The following CDK19 variants were observed in gnomAD, a reference collection of about 807,000 sequenced individuals.
The protein encoded by CDK19 is cyclin dependent kinase 19.
In CDK19, 20 loss-of-function variants were observed where a neutral mutation model predicts 68.3. The observed-to-expected ratio is 0.29, with a 90% CI of 0.21 to 0.43. The LOEUF (loss-of-function observed/expected upper bound fraction) is 0.43, where lower values mean the gene tolerates loss of function less well. CDK19 is among the 20% of genes least tolerant of loss of function. The pLI is 1.00. For synonymous variants in CDK19, 221 were observed against 222.8 expected (o/e 0.99, Z 0.07); for missense variants, 339 against 623.5 (o/e 0.54, Z 4.86).
chr6:110,805,741 G>A (rs1484263513), intron 1 of CDK19, among the ~76,000 whole-genome samples: 3 of 152,108 alleles, frequency 2.0e-5, no homozygotes, highest in African/African-American at 7.2e-5. Flanking sequence ...GTTCAAAAAT[G>A]TAGGACACTA....
At chr6:110,811,074 A>G (rs551975836) in intron 1 of CDK19, among the ~76,000 whole-genome samples, 2 of 152,254 alleles carry the variant, frequency 1.3e-5, no homozygotes, top group East Asian at 3.9e-4. Flanking sequence ...ATGACAGTTA[A>G]CCTCTCAAAG....
At chr6:110,728,933 T>G (rs1776548652) in intron 2 of CDK19, among the ~76,000 whole-genome samples, 1 of 152,236 alleles carries the variant, frequency 6.6e-6, no homozygotes, top group Admixed American at 6.6e-5. Flanking sequence ...TATCATCTTG[T>G]GTGAATATTC....
chr6:110,635,897 T>C (rs1779748174), intron 5 of CDK19, among the ~76,000 whole-genome samples: 1 of 152,248 alleles, frequency 6.6e-6, no homozygotes, highest in Non-Finnish European at 1.5e-5. Context: ...GCATAGGCAT[T>C]GGTATTACTA....
chr6:110,794,077 G>A (rs1045554026), intron 1 of CDK19, among the ~76,000 whole-genome samples: 1 of 151,938 alleles, frequency 6.6e-6, no homozygotes, highest in African/African-American at 2.4e-5. Context: ...ATGGAGTCTC[G>A]CTCTGTCACC....
chr6:110,807,711 C>T (rs1029931162), intron 1 of CDK19, among the ~76,000 whole-genome samples: 3 of 152,106 alleles, frequency 2.0e-5, no homozygotes, highest in African/African-American at 4.8e-5. Context: ...CTGCCCACCT[C>T]GGCCTCCCCA....
At chr6:110,712,564 G>A (rs2114696997) in intron 2 of CDK19, among the ~76,000 whole-genome samples, 1 of 152,302 alleles carries the variant, frequency 6.6e-6, no homozygotes. Flanking sequence ...TGCCTTATTA[G>A]ATCTCATTCT....
At chr6:110,756,603 G>A (rs1778857377) in intron 1 of CDK19, among the ~76,000 whole-genome samples, 1 of 151,830 alleles carries the variant, frequency 6.6e-6, no homozygotes, top group African/African-American at 2.4e-5. Flanking sequence ...TAGGTACATT[G>A]TAGGCATTCA....
At chr6:110,784,446 C>G (rs771476430) in intron 1 of CDK19, among the ~76,000 whole-genome samples, 1 of 152,076 alleles carries the variant, frequency 6.6e-6, no homozygotes, top group Non-Finnish European at 1.5e-5. Flanking sequence ...CCACTTCACA[C>G]CCACAAGGAT....
At chr6:110,773,518 T>C (rs1304763356) in intron 1 of CDK19, among the ~76,000 whole-genome samples, 1 of 152,182 alleles carries the variant, frequency 6.6e-6, no homozygotes, top group Non-Finnish European at 1.5e-5. Flanking sequence ...ATATGAATTA[T>C]GACTTGGACA....
At chr6:110,762,023 A>G (rs1008953455) in intron 1 of CDK19, among the ~76,000 whole-genome samples, 2 of 152,166 alleles carry the variant, frequency 1.3e-5, no homozygotes, top group Non-Finnish European at 2.9e-5. Flanking sequence ...AATCCAATGG[A>G]AAAAGATGAA....
At chr6:110,810,673 C>G (rs1486404782) in intron 1 of CDK19, among the ~76,000 whole-genome samples, 1 of 151,816 alleles carries the variant, frequency 6.6e-6, no homozygotes, top group Non-Finnish European at 1.5e-5. Flanking sequence ...ACTCAGGAGG[C>G]TGAGGCAGGA....
rs55914301 is a variant in CDK19, at chr6:110,621,297, G to A, written c.1184C>T (p.Ala395Val). ...GGTGCTGTTCTGCTGTGGTGGGGGC[G>A]CCTGTGGAGGGGCTGCTGCCTGCTG... Reference protein sequence around the residue: ...PPQQAAAPPQAPPPQQNSTQT... With the variant: ...PPQQAAAPPQVPPPQQNSTQT... Residue 395 changes from alanine to valine, a missense_variant, in exon 12 of 13, where the codon GCG (alanine) becomes GTG (valine). Transcript: ENST00000368911. This position sits in a 1 kb window ranked among gnomAD's most constrained non-coding sequence, Gnocchi z 5.4. 9.4e-5 allele frequency: 151 copies of A among 1,608,992 alleles called. 1 individual carries two copies. The East Asian group carries it at 2.5e-3, about 26-fold the overall frequency.
At chr6:110,693,368 G>A (rs993152068) in intron 2 of CDK19, among the ~76,000 whole-genome samples, 1 of 152,244 alleles carries the variant, frequency 6.6e-6, no homozygotes, top group African/African-American at 2.4e-5. Context: ...GAGCCGAACT[G>A]GATTTAGTGA....
At chr6:110,668,820 G>T (rs1482611103) in intron 3 of CDK19, among the ~76,000 whole-genome samples, 1 of 142,802 alleles carries the variant, frequency 7.0e-6, no homozygotes, top group Non-Finnish European at 1.5e-5. Context: ...CAACAAAAGT[G>T]AAACTCCGTT....
At chr6:110,661,705 T>C (rs1781629830) in intron 4 of CDK19, among the ~76,000 whole-genome samples, 3 of 152,330 alleles carry the variant, frequency 2.0e-5, no homozygotes, top group Admixed American at 2.0e-4. Flanking sequence ...AGACCTCTAA[T>C]AGAATAAGTT....
chr6:110,773,814 C>G (rs1280956185), intron 1 of CDK19: 2 of 152,076 alleles, frequency 1.3e-5, no homozygotes, highest in East Asian at 1.9e-4. Flanking sequence ...AAGCTCTCAC[C>G]TGTCACATAC....
At chr6:110,672,103 A>G (rs1771058292) in intron 2 of CDK19, among the ~76,000 whole-genome samples, 1 of 152,128 alleles carries the variant, frequency 6.6e-6, no homozygotes, top group South Asian at 2.1e-4. Flanking sequence ...CCTGTTTTTA[A>G]TGACCCCATT....
In CDK19 at chr6:110,815,253, G is replaced by T; in HGVS notation, c.-117C>A. 1 of 1,180,652 alleles carries T rather than the reference G, an allele frequency of 8.5e-7. No homozygotes were observed. The highest frequency in any genetic ancestry group is 2.4e-5 in the South Asian group (1 of 41,296). 73.1% of individuals were successfully genotyped at this position (1,180,652 alleles called of 1,614,324 possible). ...CAACAGCCGCCTCTCGCGCGCGCGC[G>T]CGCGCCGCCCGCCGCCCGCCGCTCC... On this transcript the variant is annotated 5_prime_UTR_variant, in exon 1 of 13. Transcript: ENST00000368911.
chr6:110,800,200 T>C (rs1167008572), intron 1 of CDK19, among the ~76,000 whole-genome samples: 1 of 152,136 alleles, frequency 6.6e-6, no homozygotes, highest in Non-Finnish European at 1.5e-5. Context: ...GAAAGGTGTA[T>C]TACTTCCTTT....
Sources: allele counts gnomAD v4.1 joint callset (sites outside exome capture counted in the v4.1 genomes callset), GRCh38; gene constraint gnomAD v4.1.1; non-coding constraint Gnocchi (gnomAD v3.1); transcripts MANE v1.5; gene names NCBI Gene and HGNC (gene_info 2026-07-23, HGNC 2026-07-21).